The following ZW10 variants were observed in gnomAD, a reference collection of about 807,000 sequenced individuals.
The protein encoded by ZW10 is zw10 kinetochore protein, also known as centromere/kinetochore protein zw10 homolog.
A neutral mutation model predicts 87.8 loss-of-function variants in ZW10; 53 were observed. That is an observed-to-expected ratio of 0.60 (90% CI 0.48 to 0.76). ZW10 has a LOEUF of 0.76. ZW10 is among the 30% of genes least tolerant of loss of function. The pLI is 0.00. For synonymous variants in ZW10, 312 were observed against 329.2 expected (o/e 0.95, Z 0.57); for missense variants, 837 against 923.0 (o/e 0.91, Z 1.21).
At chr11:113,754,285 G>A (rs528528587) in intron 7 of ZW10, among the ~76,000 whole-genome samples, 2 of 152,276 alleles carry the variant, frequency 1.3e-5, no homozygotes, top group South Asian at 2.1e-4. Context: ...AGGAGTTCAA[G>A]ATCAGCCTGG....
intron 2 of ZW10, 70 bp downstream of exon 2, chr11:113,768,763 A>G (rs1467745520): frequency 2.6e-6 from 4 of 1,539,242 alleles, no homozygotes; most frequent in Admixed American, 3.7e-5. Context: ...TACACAATTA[A>G]GCTGTCTTAG....
chr11:113,767,177 TAAA>T (rs34930485), intron 2 of ZW10, among the ~76,000 whole-genome samples: 12 of 137,596 alleles, frequency 8.7e-5, no homozygotes, highest in Non-Finnish European at 6.2e-5. Flanking sequence ...CTACGATGAT[TAAA>T]AAAAAAAAAA....
At chr11:113,759,398 C>T (rs992465603) in intron 5 of ZW10, among the ~76,000 whole-genome samples, 1 of 152,094 alleles carries the variant, frequency 6.6e-6, no homozygotes, top group African/African-American at 2.4e-5. Context: ...TACACATATG[C>T]ACATATGTGT....
rs751887837 is a variant in ZW10, at chr11:113,757,791, T to C, written c.796A>G (p.Ile266Val). 6.2e-7 allele frequency: 1 copy of C among 1,613,730 alleles called. No homozygotes were observed. Among genetic ancestry groups the C allele is most frequent in the African/African-American group, 1.3e-5 (1 of 74,916 alleles). The change falls in exon 7 of 16, where the codon ATA becomes GTA. Residue 266 changes from isoleucine to valine, a missense_variant. By Grantham distance (29) the Ile-to-Val change is conservative. Transcript: ENST00000200135. ...LASCPSLHAV[I>V]ESQPNIVIIR... ...ATAACTATGTTAGGCTGGCTTTCTATCACAGCATGAAGGGATGGGCAAGAT... is the reference window on the plus strand; with the variant it reads ...ATAACTATGTTAGGCTGGCTTTCTACCACAGCATGAAGGGATGGGCAAGAT...
chr11:113,739,186 C>T (rs770874778), intron 12 of ZW10, 27 bp downstream of exon 12: 23 of 1,611,694 alleles, frequency 1.4e-5, no homozygotes, highest in Non-Finnish European at 2.0e-5. Flanking sequence ...AATCCATATG[C>T]TTTCCTACAT....
chr11:113,760,626 T>C, intron 3 of ZW10, 36 bp from the exon 4 acceptor site: 1 of 1,528,978 alleles, frequency 6.5e-7, no homozygotes, highest in Non-Finnish European at 9.0e-7. Flanking sequence ...TACATCCTAT[T>C]ATTTCAAGTC....
In ZW10 at chr11:113,739,253, A is replaced by C; in HGVS notation, c.1713T>G (p.Thr571=). 1 of 1,614,018 alleles carries C rather than the reference A, an allele frequency of 6.2e-7. No individual in the cohort carries two copies. The highest frequency in any genetic ancestry group is 8.5e-7 in the Non-Finnish European group (1 of 1,179,962). The change falls in exon 12 of 16, where the codon ACT becomes ACG. Residue 571 remains threonine, a synonymous_variant. Transcript: ENST00000200135. ...CAGGTACAAGATCCACAAAAGTAGC[A>C]GTGCCATCACAAAGAATGGGGGCAA... ...LRLAPILCDG[T]ATFVDLVPGF... is the part of the protein sequence containing the mutation.
At position 113,736,677 on chromosome 11, in the gene ZW10, A is replaced by T. The variant is rs1243205281; in HGVS notation, c.2162T>A (p.Met721Lys). The T allele has an allele frequency of 1.2e-6, 2 of 1,614,056 alleles. No individual in the cohort carries two copies. The highest frequency in any genetic ancestry group is 2.2e-5 in the South Asian group (2 of 91,092). ...EEVPVYVPKW[M>K]PFKELMMMLQ... is the part of the protein sequence containing the mutation. ...CATCATCATCAATTCCTTGAATGGC[A>T]TCCATTTTGGCACATAGACTGGAAC... The change falls in exon 15 of 16, where the codon ATG (methionine) becomes AAG (lysine). Residue 721 changes from methionine to lysine, a missense_variant. Physicochemically the swap from Met to Lys is moderately conservative, Grantham distance 95 (BLOSUM62 -1). Transcript: ENST00000200135.
At chr11:113,734,110 T>G (rs73007957) in intron 15 of ZW10, among the ~76,000 whole-genome samples, 20,245 of 152,202 alleles carry the variant, frequency 0.13, 1,672 homozygotes, top group South Asian at 0.19. Flanking sequence ...CATACTCTCA[T>G]GCCTTAGGCT....
chr11:113,758,751 A>C (rs748857740), intron 5 of ZW10, 45 bp from the exon 6 acceptor site: 8 of 1,588,118 alleles, frequency 5.0e-6, no homozygotes, highest in Non-Finnish European at 5.2e-6. Flanking sequence ...CCAATATGAG[A>C]TGTTCCCACT....
chr11:113,772,632 C>A (rs1953978089), intron 1 of ZW10, among the ~76,000 whole-genome samples: 1 of 152,044 alleles, frequency 6.6e-6, no homozygotes, highest in Non-Finnish European at 1.5e-5. Context: ...ACGTAGGTAC[C>A]AATGACACTC....
At chr11:113,752,378 A>T (rs531253350) in intron 7 of ZW10, among the ~76,000 whole-genome samples, 1 of 152,166 alleles carries the variant, frequency 6.6e-6, no homozygotes, top group African/African-American at 2.4e-5. Context: ...CCCCAATGTG[A>T]CTAGATTTGG....
chr11:113,773,550 C>T lies in ZW10; in HGVS notation c.105+12G>A, dbSNP rs910990436. 1.2e-6 allele frequency: 2 copies of T among 1,609,962 alleles called. No individual in the cohort carries two copies. The highest frequency in any genetic ancestry group is 8.5e-7 in the Non-Finnish European group (1 of 1,178,378). On this transcript the variant is annotated intron_variant, in intron 1 of 15. Coordinates refer to ENST00000200135, the MANE Select transcript of ZW10 (RefSeq NM_004724.4). ...TCCCCTTCCAGTCAGCAGACAGCTG[C>T]CCCGCTCTCACCTTGATCTCCTCCA...
intron 6 of ZW10, among the ~76,000 whole-genome samples, chr11:113,758,216 A>AT (rs398115852): frequency 6.6e-6 from 1 of 152,040 alleles, no homozygotes; most frequent in East Asian, 1.9e-4. Context: ...CAAAAAAAAA[A>AT]TATGAATCTT....
At chr11:113,764,743 G>A (rs1334001725) in intron 2 of ZW10, among the ~76,000 whole-genome samples, 1 of 152,128 alleles carries the variant, frequency 6.6e-6, no homozygotes, top group African/African-American at 2.4e-5. Flanking sequence ...TGTATATGTG[G>A]TCTGTGGTCG....
chr11:113,752,720 G>A (rs112286934), intron 7 of ZW10, among the ~76,000 whole-genome samples: 1,957 of 152,138 alleles, frequency 0.013, 23 homozygotes, highest in South Asian at 0.033. Flanking sequence ...CTCATACCCC[G>A]ACCCTTTCCA....
At chr11:113,743,576 C>A (rs1328621987) in intron 10 of ZW10, among the ~76,000 whole-genome samples, 1 of 152,188 alleles carries the variant, frequency 6.6e-6, no homozygotes, top group African/African-American at 2.4e-5. Context: ...CACCTACTTC[C>A]TACACCTTGC....
At chr11:113,745,692 C>T (rs544569836) in intron 9 of ZW10, among the ~76,000 whole-genome samples, 21 of 152,024 alleles carry the variant, frequency 1.4e-4, no homozygotes, top group African/African-American at 3.4e-4. Flanking sequence ...GAAACTAAGA[C>T]GGAAGAATGT....
At chr11:113,738,115 T>A in intron 13 of ZW10, 149 bp downstream of exon 13, 1 of 805,690 alleles carries the variant, frequency 1.2e-6, no homozygotes. Flanking sequence ...TAAACATGAT[T>A]GTAAAAGGTA....
Sources: gnomAD v4.1 joint callset for allele counts (sites outside exome capture counted in the v4.1 genomes callset) on GRCh38, gnomAD v4.1.1 for gene constraint, MANE v1.5 for transcripts, NCBI Gene and HGNC (gene_info 2026-07-23, HGNC 2026-07-21) for gene names.